The following VSNL1 variants were observed in gnomAD, a reference collection of about 807,000 sequenced individuals.
VSNL1 encodes visinin like 1.
Under a neutral mutation model 20.4 loss-of-function variants are expected in VSNL1, and 6 were observed. The observed-to-expected ratio is 0.29, with a 90% CI of 0.16 to 0.58. VSNL1 has a LOEUF of 0.58. Ranked by LOEUF, VSNL1 falls within the 20% of genes least tolerant of loss-of-function variation. VSNL1 has a pLI of 0.90. For synonymous variants in VSNL1, 93 were observed against 86.4 expected (o/e 1.08, Z -0.42); for missense variants, 100 against 234.5 (o/e 0.43, Z 3.75).
At chr2:17,622,571 A>C (rs892630249) in intron 2 of VSNL1, among the ~76,000 whole-genome samples, 1 of 138,372 alleles carries the variant, frequency 7.2e-6, no homozygotes, top group East Asian at 2.3e-4. Flanking sequence ...AAAGAAAGAA[A>C]GAAAGAAAGA....
At chr2:17,644,036 CTT>C (rs563710438) in intron 2 of VSNL1, among the ~76,000 whole-genome samples, 369 of 152,274 alleles carry the variant, frequency 2.4e-3, no homozygotes, top group African/African-American at 8.3e-3. Flanking sequence ...GGGAAGGAAA[CTT>C]GACCAAACAT....
At chr2:17,563,348 C>T (rs1209576282) in intron 1 of VSNL1, among the ~76,000 whole-genome samples, 1 of 152,200 alleles carries the variant, frequency 6.6e-6, no homozygotes, top group Non-Finnish European at 1.5e-5. Flanking sequence ...GACTCCACAG[C>T]ATGGCTTGTT....
At chr2:17,647,275 T>C (rs138776973) in intron 2 of VSNL1, among the ~76,000 whole-genome samples, 208 of 152,286 alleles carry the variant, frequency 1.4e-3, no homozygotes, top group Non-Finnish European at 2.3e-3. Flanking sequence ...GCCAGAAACC[T>C]ACACGAATGG....
chr2:17,625,910 C>T (rs1254145068), intron 2 of VSNL1, among the ~76,000 whole-genome samples: 1 of 131,400 alleles, frequency 7.6e-6, no homozygotes, highest in African/African-American at 3.0e-5. Context: ...TCAAGTGATT[C>T]TCCTGCCTCA....
intron 1 of VSNL1, among the ~76,000 whole-genome samples, chr2:17,552,979 T>C (rs1284684271): frequency 6.6e-6 from 1 of 152,178 alleles, no homozygotes; most frequent in African/African-American, 2.4e-5. Context: ...ATAAACATAA[T>C]GTCTTTGAAA....
At chr2:17,621,550 C>T (rs1055381984) in intron 2 of VSNL1, among the ~76,000 whole-genome samples, 45 of 152,172 alleles carry the variant, frequency 3.0e-4, no homozygotes, top group African/African-American at 1.1e-3. Context: ...TCTCGAACTC[C>T]TGACCTCAAG....
chr2:17,589,571 C>T (rs971219958), intron 1 of VSNL1, among the ~76,000 whole-genome samples: 1 of 152,180 alleles, frequency 6.6e-6, no homozygotes, highest in Non-Finnish European at 1.5e-5. Context: ...AACCATTGCC[C>T]AACACACCTG....
At chr2:17,552,364 G>T (rs1016556766) in intron 1 of VSNL1, among the ~76,000 whole-genome samples, 41 of 152,090 alleles carry the variant, frequency 2.7e-4, no homozygotes, top group African/African-American at 9.7e-4. Context: ...TTTGCCCAAG[G>T]TCACATAGAT....
At chr2:17,551,709 C>T (rs2103339433) in intron 1 of VSNL1, among the ~76,000 whole-genome samples, 1 of 152,246 alleles carries the variant, frequency 6.6e-6, no homozygotes, top group African/African-American at 2.4e-5. Flanking sequence ...AGCTGACATT[C>T]TTCCAAAGAG....
chr2:17,546,565 T>C (rs1663410680), intron 1 of VSNL1, among the ~76,000 whole-genome samples: 2 of 152,048 alleles, frequency 1.3e-5, no homozygotes, highest in Admixed American at 1.3e-4. Flanking sequence ...ACGCTGGTGT[T>C]ACAGGAGACT....
At chr2:17,551,432 T>C (rs558116562) in intron 1 of VSNL1, among the ~76,000 whole-genome samples, 18 of 152,230 alleles carry the variant, frequency 1.2e-4, no homozygotes, top group African/African-American at 4.1e-4. Flanking sequence ...AGAAAAAATA[T>C]AAATCAGCCC....
intron 1 of VSNL1, among the ~76,000 whole-genome samples, chr2:17,564,966 A>G (rs1488795963): frequency 6.6e-6 from 1 of 152,226 alleles, no homozygotes; most frequent in Non-Finnish European, 1.5e-5. Context: ...AGAATTAGCA[A>G]TGGAGTATCA....
intron 1 of VSNL1, among the ~76,000 whole-genome samples, chr2:17,582,518 G>A (rs939821462): frequency 3.3e-5 from 5 of 152,148 alleles, no homozygotes; most frequent in African/African-American, 1.2e-4. Flanking sequence ...AGTGGCAACA[G>A]AGAAAAGTAG....
chr2:17,653,993 T>A (rs1666173561), intron 3 of VSNL1, among the ~76,000 whole-genome samples: 1 of 152,240 alleles, frequency 6.6e-6, no homozygotes, highest in South Asian at 2.1e-4. Context: ...TGGCCTTACA[T>A]GTCTGGCTTC....
intron 1 of VSNL1, among the ~76,000 whole-genome samples, chr2:17,578,723 TTG>T (rs1664277108): frequency 6.6e-6 from 1 of 152,206 alleles, no homozygotes; most frequent in Non-Finnish European, 1.5e-5. Context: ...AGCCTTGGCA[TTG>T]TCTCTTTCAG....
At chr2:17,636,953 A>G (rs1281917765) in intron 2 of VSNL1, among the ~76,000 whole-genome samples, 1 of 152,184 alleles carries the variant, frequency 6.6e-6, no homozygotes, top group African/African-American at 2.4e-5. Flanking sequence ...GTTTTGTTCA[A>G]TCTCCTGATT....
intron 1 of VSNL1, among the ~76,000 whole-genome samples, chr2:17,579,974 C>T (rs1315326776): frequency 2.0e-5 from 3 of 152,122 alleles, no homozygotes; most frequent in Admixed American, 6.5e-5. Flanking sequence ...AAGTTGTGAT[C>T]GGGAGACACA....
chr2:17,554,967 T>C (rs959856663), intron 1 of VSNL1, among the ~76,000 whole-genome samples: 1 of 152,210 alleles, frequency 6.6e-6, no homozygotes, highest in Non-Finnish European at 1.5e-5. Flanking sequence ...CACTCCATCG[T>C]ATATATGAAC....
At chr2:17,582,602 A>G (rs1664374582) in intron 1 of VSNL1, among the ~76,000 whole-genome samples, 1 of 152,236 alleles carries the variant, frequency 6.6e-6, no homozygotes. Context: ...AGAAACACGA[A>G]ATAGAGAAGT....
Sources: gnomAD v4.1 joint callset for allele counts (sites outside exome capture counted in the v4.1 genomes callset) on GRCh38, gnomAD v4.1.1 for gene constraint, MANE v1.5 for transcripts, NCBI Gene and HGNC (gene_info 2026-07-23, HGNC 2026-07-21) for gene names.